The following PLCL1 variants were observed in gnomAD, a reference collection of about 807,000 sequenced individuals.
PLCL1 encodes phospholipase C like 1 (inactive), also known as inactive phospholipase C-like protein 1.
A neutral mutation model predicts 84.4 loss-of-function variants in PLCL1; 41 were observed. The observed-to-expected ratio is 0.49, with a 90% confidence interval of 0.38 to 0.63. The LOEUF (loss-of-function observed/expected upper bound fraction) is 0.63, where lower values mean the gene tolerates loss of function less well. Among genes scored for constraint, PLCL1 ranks in the 30% least tolerant of loss-of-function variants. The probability of loss-of-function intolerance (pLI) is 0.00; values close to 1 mark genes in which losing one functional copy is unlikely to be tolerated. For missense variants in PLCL1, 1,206 were observed against 1,367.8 expected, an observed-to-expected ratio of 0.88 and a Z score of 1.87; for synonymous variants, 490 against 488.3, an observed-to-expected ratio of 1.00 and a Z score of -0.05.
intron 5 of PLCL1, among the ~76,000 whole-genome samples, chr2:198,107,887 G>T (rs1315811833): frequency 6.6e-6 from 1 of 151,806 alleles, no homozygotes; most frequent in Admixed American, 6.6e-5. Context: ...ACTTCCAATA[G>T]CTCCTTTTTC....
At chr2:197,982,201 A>G (rs1690119652) in intron 1 of PLCL1, among the ~76,000 whole-genome samples, 1 of 149,768 alleles carries the variant, frequency 6.7e-6, no homozygotes, top group African/African-American at 2.4e-5. Flanking sequence ...AATAGAATTT[A>G]TGTATATATA....
At chr2:197,849,864 A>G (rs1239163821) in intron 1 of PLCL1, among the ~76,000 whole-genome samples, 1 of 152,208 alleles carries the variant, frequency 6.6e-6, no homozygotes, top group African/African-American at 2.4e-5. Context: ...GGAGATTATT[A>G]AAGTGAGAGT....
rs1168652913 is a variant in PLCL1, at chr2:198,085,971, T to A, written c.2454T>A (p.Cys818Ter). Reference protein sequence around the residue: ...FIGQYTIPFECLQPGYRHVPL... With the variant: ...FIGQYTIPFE Reference sequence around the variant, plus strand: ...GGCAATATACGATACCATTTGAATGTTTGCAGCCTGGATATCGGCATGTTC... The same window carrying A: ...GGCAATATACGATACCATTTGAATGATTGCAGCCTGGATATCGGCATGTTC... Residue 818 changes from cysteine (C) to a stop codon, truncating the protein, a stop_gained, in exon 2 of 6, where the codon TGT becomes TGA. Transcript: ENST00000428675. LOFTEE classifies it high-confidence loss of function. This position sits in a 1 kb window ranked among gnomAD's most constrained non-coding sequence, Gnocchi z 5.3. The A allele has an allele frequency of 6.2e-7, 1 of 1,614,136 alleles. No homozygotes were observed. The highest frequency in any genetic ancestry group is 1.1e-5 in the South Asian group (1 of 91,084).
At chr2:197,836,782 A>T (rs1014666042) in intron 1 of PLCL1, among the ~76,000 whole-genome samples, 16 of 152,292 alleles carry the variant, frequency 1.1e-4, no homozygotes, top group African/African-American at 3.6e-4. Flanking sequence ...GTGCAGTGAC[A>T]TGATCATGGC....
chr2:197,927,596 C>CTTTTTTA (rs1359501125), intron 1 of PLCL1, among the ~76,000 whole-genome samples: 1 of 151,962 alleles, frequency 6.6e-6, no homozygotes, highest in Admixed American at 6.6e-5. Flanking sequence ...ATTACATAAG[C>CTTTTTTA]CAACTCACAG....
chr2:198,000,290 C>T (rs1395097784), intron 1 of PLCL1, among the ~76,000 whole-genome samples: 2 of 152,048 alleles, frequency 1.3e-5, no homozygotes, highest in East Asian at 1.9e-4. Context: ...TTATTGTCTT[C>T]CCACTTTTAT....
intron 1 of PLCL1, among the ~76,000 whole-genome samples, chr2:197,832,183 A>G (rs1321263815): frequency 6.6e-6 from 1 of 152,166 alleles, no homozygotes; most frequent in African/African-American, 2.4e-5. Flanking sequence ...ATAGAGCCAC[A>G]AAAAACCCTT....
chr2:198,014,839 G>C (rs1690955219), intron 1 of PLCL1, among the ~76,000 whole-genome samples: 1 of 152,064 alleles, frequency 6.6e-6, no homozygotes, highest in South Asian at 2.1e-4. Context: ...GTGTACAGAA[G>C]TGTTCTACTT....
At chr2:198,013,671 A>G (rs1033925421) in intron 1 of PLCL1, among the ~76,000 whole-genome samples, 5 of 152,176 alleles carry the variant, frequency 3.3e-5, no homozygotes, top group Non-Finnish European at 7.4e-5. Flanking sequence ...CCAATTATAG[A>G]CAAACATATA....
intron 5 of PLCL1, among the ~76,000 whole-genome samples, chr2:198,125,821 TG>T (rs763403647): frequency 9.2e-5 from 14 of 152,096 alleles, no homozygotes; most frequent in Non-Finnish European, 1.9e-4. Flanking sequence ...AGCCTGGGTG[TG>T]TGAACAAAAA....
chr2:197,962,235 C>G (rs981446758), intron 1 of PLCL1, among the ~76,000 whole-genome samples: 7 of 152,060 alleles, frequency 4.6e-5, no homozygotes, highest in African/African-American at 1.4e-4. Context: ...TACCTATGAG[C>G]AGACTGCTGA....
At chr2:197,814,027 C>G (rs1338414895) in intron 1 of PLCL1, among the ~76,000 whole-genome samples, 2 of 152,168 alleles carry the variant, frequency 1.3e-5, no homozygotes, top group Non-Finnish European at 2.9e-5. Context: ...TTCTCAGTTT[C>G]ATAGCCTTCC....
chr2:197,908,424 C>T (rs115872432), intron 1 of PLCL1, among the ~76,000 whole-genome samples: 44 of 152,284 alleles, frequency 2.9e-4, no homozygotes, highest in African/African-American at 9.9e-4. Flanking sequence ...ATATTGACCC[C>T]GCATCTGCCT....
Position 198,018,431 on chromosome 2 carries a change from T to C in PLCL1, c.241-65327T>C, listed in dbSNP as rs1321741951. ...GCTGAAGCCAGGGAGCCAAGTGGTC[T>C]TGCTCAATGGATCCCACCCCATGGA... On this transcript the variant is annotated intron_variant, in intron 1 of 5. Coordinates refer to ENST00000428675, the MANE Select transcript of PLCL1 (RefSeq NM_006226.4). Among the ~76,000 whole-genome samples, 5 of 152,288 alleles carry C rather than the reference T, an allele frequency of 3.3e-5. No homozygotes were observed. The East Asian group carries it at 7.7e-4, about 24-fold the overall frequency.
chr2:198,114,197 G>T (rs1369094962), intron 5 of PLCL1, among the ~76,000 whole-genome samples: 1 of 151,892 alleles, frequency 6.6e-6, no homozygotes, highest in East Asian at 1.9e-4. Flanking sequence ...TAGGCAGACT[G>T]GTTACATGGT....
chr2:198,120,733 G>A (rs1036922709), intron 5 of PLCL1, among the ~76,000 whole-genome samples: 29 of 152,010 alleles, frequency 1.9e-4, no homozygotes, highest in African/African-American at 6.3e-4. Context: ...GGACACTTAG[G>A]TTGCTTCCAA....
chr2:197,887,097 A>G (rs1268636317), intron 1 of PLCL1, among the ~76,000 whole-genome samples: 1 of 152,214 alleles, frequency 6.6e-6, no homozygotes, highest in Non-Finnish European at 1.5e-5. Context: ...TCCATTCTCT[A>G]AAGGGGAATT....
At position 197,934,437 on chromosome 2, in the gene PLCL1, C is replaced by T. The variant is rs565587602; in HGVS notation, c.240+129098C>T. ...GTTCTTGCTTTTGACTTTGTGAAGTCGGCATATTCACATCCACAACGCCTT... is the reference window on the plus strand; with the variant it reads ...GTTCTTGCTTTTGACTTTGTGAAGTTGGCATATTCACATCCACAACGCCTT... On this transcript the variant is annotated intron_variant, in intron 1 of 5. Transcript: ENST00000428675. Among the ~76,000 whole-genome samples, 42 of 152,262 alleles carry T rather than the reference C, an allele frequency of 2.8e-4. No individual in the cohort carries two copies. The South Asian group carries it at 2.9e-3, about 11-fold the overall frequency.
At chr2:197,981,976 ATTATT>A (rs893140775) in intron 1 of PLCL1, among the ~76,000 whole-genome samples, 130 of 152,172 alleles carry the variant, frequency 8.5e-4, no homozygotes, top group African/African-American at 2.9e-3. Context: ...ATGTATTTTA[ATTATT>A]TTAAGTTAGA....
Sources: allele counts gnomAD v4.1 joint callset (sites outside exome capture counted in the v4.1 genomes callset), GRCh38; gene constraint gnomAD v4.1.1; non-coding constraint Gnocchi (gnomAD v3.1); transcripts MANE v1.5; gene names NCBI Gene and HGNC (gene_info 2026-07-23, HGNC 2026-07-21).